The following CHD9 variants were observed in gnomAD, a reference collection of about 807,000 sequenced individuals.
CHD9 encodes the protein ATP-dependent chromatin remodeler CHD9.
Under a neutral mutation model 316.1 loss-of-function variants are expected in CHD9, and 77 were observed. The observed-to-expected ratio is 0.24, with a 90% CI of 0.20 to 0.29. CHD9 has a LOEUF of 0.29. Ranked by LOEUF, CHD9 falls within the 10% of genes least tolerant of loss-of-function variation. The probability of loss-of-function intolerance (pLI) is 1.00; values close to 1 mark genes in which losing one functional copy is unlikely to be tolerated. For synonymous variants in CHD9, 1,129 were observed against 1,158.3 expected (o/e 0.97, Z 0.51); for missense variants, 2,763 against 3,438.1 (o/e 0.80, Z 4.91).
At chr16:53,068,084 A>T (rs899380445) in intron 1 of CHD9, among the ~76,000 whole-genome samples, 1 of 152,124 alleles carries the variant, frequency 6.6e-6, no homozygotes, top group African/African-American at 2.4e-5. Flanking sequence ...TTTGAAACCC[A>T]TGTAGGCCTG....
At chr16:53,065,935 T>C (rs972796104) in intron 1 of CHD9, among the ~76,000 whole-genome samples, 8 of 152,214 alleles carry the variant, frequency 5.3e-5, no homozygotes, top group African/African-American at 1.7e-4. Flanking sequence ...CAGAGACACA[T>C]CCTGTCCTGT....
At chr16:53,321,726 G>C (rs968008005) in intron 38 of CHD9, 96 bp downstream of exon 38, 26 of 736,582 alleles carry the variant, frequency 3.5e-5, no homozygotes, top group Admixed American at 1.0e-4. Flanking sequence ...AATATTCCAT[G>C]AATTTGTGAC....
chr16:53,168,763 G>C (rs1477992542), intron 2 of CHD9: 2 of 152,390 alleles, frequency 1.3e-5, no homozygotes, highest in Non-Finnish European at 2.9e-5. Flanking sequence ...GGCAGACAGG[G>C]TCTGGCTGTG....
intron 24 of CHD9, 84 bp downstream of exon 24, chr16:53,274,386 C>A: frequency 1.4e-6 from 1 of 704,062 alleles, no homozygotes; most frequent in Non-Finnish European, 2.3e-6. Flanking sequence ...GCGATCCTCC[C>A]ACCTCTGCCT....
intron 1 of CHD9, among the ~76,000 whole-genome samples, chr16:53,094,383 G>T (rs1266971961): frequency 6.6e-6 from 1 of 152,144 alleles, no homozygotes; most frequent in Non-Finnish European, 1.5e-5. Flanking sequence ...CCAAGGGCCA[G>T]CCACCGCACA....
chr16:53,120,133 G>T (rs1188507460), intron 1 of CHD9, among the ~76,000 whole-genome samples: 1 of 152,120 alleles, frequency 6.6e-6, no homozygotes, highest in East Asian at 1.9e-4. Flanking sequence ...TCAGTAGGCT[G>T]AGGTAAGAGG....
At chr16:53,063,571 C>G (rs533024630) in intron 1 of CHD9, among the ~76,000 whole-genome samples, 7 of 151,894 alleles carry the variant, frequency 4.6e-5, no homozygotes, top group Non-Finnish European at 1.0e-4. Context: ...CTCGCTCTGT[C>G]GCCCAGGCTG....
chr16:53,295,676 G>T (rs1474611946), intron 29 of CHD9, among the ~76,000 whole-genome samples: 2 of 151,992 alleles, frequency 1.3e-5, no homozygotes, highest in African/African-American at 4.8e-5. Context: ...CAGATTTAAT[G>T]ACTTGGGTTT....
rs532879151 is a variant in CHD9 at position 53,235,316 on chromosome 16, A to G, written c.2633+10A>G. On this transcript the variant is annotated intron_variant, in intron 11 of 38. Transcript: ENST00000447540. ...TCAATTGGTACAATAGGTATGTAGT[A>G]TATCTTAATAAAAAAAATTTATTTT... is the stretch of plus-strand genomic sequence containing the variant. 7 of 1,504,480 alleles carry G rather than the reference A, an allele frequency of 4.7e-6. No homozygotes were observed. The highest frequency in any genetic ancestry group is 4.8e-5 in the Admixed American group (2 of 41,914). 93.2% of individuals were successfully genotyped at this position (1,504,480 alleles called of 1,614,324 possible).
At chr16:53,124,467 ATTTTT>A (rs753476091) in intron 1 of CHD9, among the ~76,000 whole-genome samples, 2 of 96,922 alleles carry the variant, frequency 2.1e-5, no homozygotes, top group African/African-American at 7.6e-5. Flanking sequence ...GTGAGACTTA[ATTTTT>A]TTTTTTTTTT....
intron 1 of CHD9, among the ~76,000 whole-genome samples, chr16:53,150,228 T>G (rs2040990081): frequency 2.6e-5 from 4 of 151,810 alleles, no homozygotes; most frequent in Non-Finnish European, 5.9e-5. Flanking sequence ...TTTTTTTTTT[T>G]GGTAGCATTC....
chr16:53,193,171 C>T (rs750594522), intron 2 of CHD9, among the ~76,000 whole-genome samples: 3 of 152,038 alleles, frequency 2.0e-5, no homozygotes, highest in South Asian at 2.1e-4. Context: ...ACCATCCGGC[C>T]GGGCACGGTG....
In CHD9 at chr16:53,267,299, C is replaced by T. The variant is rs1171594018; in HGVS notation, c.4326C>T (p.Ser1442=). 1 of 1,602,816 alleles carries T rather than the reference C, an allele frequency of 6.2e-7. No individual in the cohort carries two copies. The highest frequency in any genetic ancestry group is 1.7e-5 in the Admixed American group (1 of 58,604). Residue 1442 remains serine (S), a synonymous_variant, in exon 21 of 39, where the codon AGC becomes AGT. Transcript: ENST00000447540. ...IDIEAISGRN[S]LVIDTPRIRK... ...ATAGCAGTTCTGTTTTACAGAACAG[C>T]TTGGTTATTGACACTCCAAGAATTA... is the stretch of plus-strand genomic sequence containing the variant.
intron 20 of CHD9, among the ~76,000 whole-genome samples, chr16:53,263,641 T>C (rs991829172): frequency 6.6e-6 from 1 of 152,160 alleles, no homozygotes; most frequent in African/African-American, 2.4e-5. Flanking sequence ...TTTTCAGTCT[T>C]ACCAATTATC....
chr16:53,074,295 T>C (rs1030067399), intron 1 of CHD9, among the ~76,000 whole-genome samples: 3 of 152,084 alleles, frequency 2.0e-5, no homozygotes, highest in African/African-American at 7.2e-5. Context: ...AGGCATTCAG[T>C]TTTAAAAGGG....
At chr16:53,278,059 A>G (rs2053032025) in intron 24 of CHD9, among the ~76,000 whole-genome samples, 1 of 152,124 alleles carries the variant, frequency 6.6e-6, no homozygotes. Flanking sequence ...CAAGGACGTG[A>G]AAGCTCTCTA....
chr16:53,208,124 G>C (rs1271987155), intron 2 of CHD9: 1 of 1,049,790 alleles, frequency 9.5e-7, no homozygotes, highest in Non-Finnish European at 1.2e-6. Flanking sequence ...ACCTAAATAG[G>C]ATGAACAGTA....
At position 53,143,278 on chromosome 16, in the gene CHD9, A is replaced by C. The variant is rs546123118; in HGVS notation, c.-164-12648A>C. Among the ~76,000 whole-genome samples the C allele has an allele frequency of 3.3e-5, 5 of 152,232 alleles. No homozygotes were observed. The South Asian group carries it at 1.0e-3, about 32-fold the overall frequency. ...AGTTACAGATGGGGTTTAATAGAGT[A>C]GTATACATGTGGAATACATGGCATT... On this transcript the variant is annotated intron_variant, in intron 1 of 38. Transcript: ENST00000447540.
At chr16:53,159,310 CAGA>C (rs2041747465) in intron 2 of CHD9, among the ~76,000 whole-genome samples, 1 of 151,898 alleles carries the variant, frequency 6.6e-6, no homozygotes, top group East Asian at 1.9e-4. Flanking sequence ...AAAAAAATAC[CAGA>C]AGAAAATAGG....
Sources: gnomAD v4.1 joint callset for allele counts (sites outside exome capture counted in the v4.1 genomes callset) on GRCh38, gnomAD v4.1.1 for gene constraint, MANE v1.5 for transcripts, NCBI Gene and HGNC (gene_info 2026-07-23, HGNC 2026-07-21) for gene names.